ROBO2: variants seen among roughly 807,000 people sequenced by gnomAD.
The protein encoded by ROBO2 is roundabout guidance receptor 2.
Under a neutral mutation model 160.8 loss-of-function variants are expected in ROBO2, and 53 were observed. The observed-to-expected ratio is 0.33, with a 90% CI of 0.26 to 0.41. The LOEUF (loss-of-function observed/expected upper bound fraction) is 0.41, where lower values mean the gene tolerates loss of function less well. ROBO2 is among the 10% of genes least tolerant of loss of function. The probability of loss-of-function intolerance (pLI) is 1.00; values close to 1 mark genes in which losing one functional copy is unlikely to be tolerated. For missense variants in ROBO2, 1,577 were observed against 1,722.4 expected, an observed-to-expected ratio of 0.92 and a Z score of 1.49; for synonymous variants, 664 against 611.7, an observed-to-expected ratio of 1.09 and a Z score of -1.26.
chr3:76,989,651 A>G (rs1332326607), intron 2 of ROBO2, among the ~76,000 whole-genome samples: 3 of 152,134 alleles, frequency 2.0e-5, no homozygotes, highest in Admixed American at 6.5e-5. Context: ...CTGTGTTTGG[A>G]GAAGGTTTTC....
At chr3:76,619,258 T>G (rs1187468794) in intron 2 of ROBO2, among the ~76,000 whole-genome samples, 9 of 149,936 alleles carry the variant, frequency 6.0e-5, no homozygotes, top group Non-Finnish European at 1.0e-4. Flanking sequence ...GAGAATGGCG[T>G]GAACCCGGGA....
At chr3:76,078,073 T>G (rs564557702) in intron 2 of ROBO2, among the ~76,000 whole-genome samples, 47 of 152,348 alleles carry the variant, frequency 3.1e-4, no homozygotes, top group African/African-American at 1.1e-3. Context: ...CTGGAATATA[T>G]TCTTCCCTTA....
chr3:76,882,415 T>G (rs1279988906), intron 2 of ROBO2, among the ~76,000 whole-genome samples: 1 of 152,134 alleles, frequency 6.6e-6, no homozygotes, highest in Non-Finnish European at 1.5e-5. Context: ...TTAGCACATT[T>G]GAAGGTGTAA....
At chr3:77,602,661 G>GCCACCA (rs879356392) in intron 20 of ROBO2, among the ~76,000 whole-genome samples, 170 bp downstream of exon 21, 210 of 128,330 alleles carry the variant, frequency 1.6e-3, no homozygotes, top group Non-Finnish European at 2.8e-3. Context: ...CACCACCACC[G>GCCACCA]CCACCACCAC....
intron 2 of ROBO2, among the ~76,000 whole-genome samples, chr3:76,100,738 A>G (rs1024439465): frequency 6.6e-6 from 1 of 152,202 alleles, no homozygotes; most frequent in Non-Finnish European, 1.5e-5. Flanking sequence ...AAGGACAAAC[A>G]TACTTGTAAC....
chr3:77,079,110 C>T (rs2068341088), intron 1 of ROBO2, among the ~76,000 whole-genome samples: 1 of 151,954 alleles, frequency 6.6e-6, no homozygotes, highest in Non-Finnish European at 1.5e-5. Context: ...CCATGCCTGG[C>T]TAGTTTTTGT....
intron 2 of ROBO2, among the ~76,000 whole-genome samples, chr3:77,455,799 A>G (rs1175311458): frequency 6.6e-6 from 1 of 152,006 alleles, no homozygotes; most frequent in Non-Finnish European, 1.5e-5. Context: ...ATTCATTAAT[A>G]AATATCAAAT....
At position 76,606,116 on chromosome 3, in the gene ROBO2, T is replaced by A. The variant is rs1314585314; in HGVS notation, c.110-491898T>A. ...TGGAAAAGAAGGAAGCCCATTCTACTGGGGAAATAAAAGTGTTTCTTAATT... is the reference window on the plus strand; with the variant it reads ...TGGAAAAGAAGGAAGCCCATTCTACAGGGGAAATAAAAGTGTTTCTTAATT... On this transcript the variant is annotated intron_variant, in intron 2 of 26. Coordinates refer to the ROBO2 transcript ENST00000487694. 2.0e-5 allele frequency among the ~76,000 whole-genome samples: 3 copies of A among 152,110 alleles called. No homozygotes were observed. In the East Asian group the frequency reaches 5.8e-4, roughly 29 times the overall value.
chr3:76,169,314 GA>G (rs2072949541), intron 2 of ROBO2, among the ~76,000 whole-genome samples: 1 of 152,136 alleles, frequency 6.6e-6, no homozygotes, highest in African/African-American at 2.4e-5. Context: ...CACAAGCTAT[GA>G]AAATTGGCAG....
At chr3:77,186,763 C>A (rs2081321392) in intron 2 of ROBO2, among the ~76,000 whole-genome samples, 1 of 151,802 alleles carries the variant, frequency 6.6e-6, no homozygotes, top group Non-Finnish European at 1.5e-5. Flanking sequence ...GGCTTTAAAA[C>A]CTGCAGCCTT....
intron 2 of ROBO2, among the ~76,000 whole-genome samples, chr3:77,332,734 G>A (rs1021047037): frequency 6.6e-6 from 1 of 152,098 alleles, no homozygotes; most frequent in Middle Eastern, 3.4e-3. Context: ...TACCTGCTTG[G>A]GTTATCATTA....
chr3:77,222,859 A>G (rs1560278123), intron 2 of ROBO2, among the ~76,000 whole-genome samples: 1 of 152,194 alleles, frequency 6.6e-6, no homozygotes, highest in Admixed American at 6.5e-5. Flanking sequence ...ACCCATTAAA[A>G]AGCAGACATC....
chr3:77,584,829 A>G lies in ROBO2; in HGVS notation c.2501-3922A>G, dbSNP rs558149784. ...AAGGATTTAACTTACATGTGTGTGT[A>G]TTCATTTATAGTATTTAGAAATAAG... On this transcript the variant is annotated intron_variant, in intron 16 of 25. Coordinates refer to ENST00000461745, the Ensembl canonical transcript of ROBO2. 1.2e-4 allele frequency among the ~76,000 whole-genome samples: 18 copies of G among 151,764 alleles called. No homozygotes were observed. The East Asian group carries it at 3.5e-3, about 29-fold the overall frequency.
intron 2 of ROBO2, among the ~76,000 whole-genome samples, chr3:76,478,256 C>T (rs1434758709): frequency 1.4e-5 from 2 of 145,148 alleles, no homozygotes; most frequent in South Asian, 2.3e-4. Flanking sequence ...TCAATTCCCA[C>T]CTATGAGTGA....
intron 2 of ROBO2, among the ~76,000 whole-genome samples, chr3:76,964,109 G>A (rs1001002915): frequency 2.3e-4 from 35 of 152,088 alleles, no homozygotes; most frequent in South Asian, 2.1e-4. Context: ...AAAGGAACTC[G>A]TTAAACAGTG....
intron 2 of ROBO2, among the ~76,000 whole-genome samples, chr3:77,218,562 T>G (rs2085294956): frequency 6.6e-6 from 1 of 151,976 alleles, no homozygotes; most frequent in African/African-American, 2.4e-5. Context: ...TTAGTAGAGA[T>G]GGGGTTTTAC....
intron 2 of ROBO2, among the ~76,000 whole-genome samples, chr3:77,021,773 C>T (rs907739138): frequency 2.0e-5 from 3 of 152,066 alleles, no homozygotes; most frequent in African/African-American, 4.8e-5. Flanking sequence ...TTATCACAGA[C>T]GTGGGTTTCT....
intron 2 of ROBO2, among the ~76,000 whole-genome samples, chr3:77,189,499 G>A (rs115733620): frequency 1.4e-4 from 22 of 151,832 alleles, no homozygotes; most frequent in African/African-American, 4.6e-4. Context: ...CTCAATCACC[G>A]TGACATAAAG....
intron 19 of ROBO2, among the ~76,000 whole-genome samples, chr3:77,599,489 G>C (rs1303257896): frequency 7.9e-6 from 1 of 126,922 alleles, no homozygotes; most frequent in Admixed American, 8.9e-5. Flanking sequence ...ACACACCGGG[G>C]CCTGTTGTGG....
Sources: gnomAD v4.1 joint callset for allele counts (sites outside exome capture counted in the v4.1 genomes callset) on GRCh38, gnomAD v4.1.1 for gene constraint, MANE v1.5 for transcripts, NCBI Gene and HGNC (gene_info 2026-07-23, HGNC 2026-07-21) for gene names.